Variants in PTH2R observed in about 807,000 individuals in gnomAD.
PTH2R encodes parathyroid hormone 2 receptor.
Under a neutral mutation model 60.3 loss-of-function variants are expected in PTH2R, and 59 were observed. That is an observed-to-expected ratio of 0.98 (90% CI 0.79 to 1.22). PTH2R has a LOEUF of 1.22. Ranked by LOEUF, PTH2R falls within the 50% of genes most tolerant of loss-of-function variation. PTH2R has a pLI of 0.00. For missense variants in PTH2R, 749 were observed against 682.6 expected (o/e 1.10, Z -1.08); for synonymous variants, 256 against 243.8 (o/e 1.05, Z -0.47).
At chr2:208,468,041 A>T (rs1702794683) in intron 9 of PTH2R, among the ~76,000 whole-genome samples, 1 of 152,166 alleles carries the variant, frequency 6.6e-6, no homozygotes, top group African/African-American at 2.4e-5. Flanking sequence ...TAATCTGATA[A>T]TGAAATGGTC....
intron 1 of PTH2R, among the ~76,000 whole-genome samples, chr2:208,374,345 C>T (rs1430455683): frequency 6.6e-6 from 1 of 152,008 alleles, no homozygotes; most frequent in Non-Finnish European, 1.5e-5. Flanking sequence ...AGAAGTTGTA[C>T]ACCACATTCA....
In PTH2R at chr2:208,479,565, C is replaced by T. The variant is rs186276299; in HGVS notation, c.982-1505C>T. Among the ~76,000 whole-genome samples, 45 of 152,332 alleles carry T rather than the reference C, an allele frequency of 3.0e-4. No homozygotes were observed. The East Asian group carries it at 6.9e-3, about 24-fold the overall frequency. ...CTTGTCATTCAGAAAGTAGCACTCA[C>T]GTGCTTCTTTCTCAGTGACCTGAGC... On this transcript the variant is annotated intron_variant, in intron 9 of 12. Transcript: ENST00000272847.
chr2:208,416,364 A>G (rs528769891), intron 1 of PTH2R, among the ~76,000 whole-genome samples: 99 of 152,338 alleles, frequency 6.5e-4, no homozygotes, highest in African/African-American at 2.3e-3. Flanking sequence ...TGAATATATC[A>G]TGTGTTATTG....
chr2:208,418,666 A>C (rs1272233740), intron 1 of PTH2R, among the ~76,000 whole-genome samples: 1 of 152,168 alleles, frequency 6.6e-6, no homozygotes, highest in Non-Finnish European at 1.5e-5. Flanking sequence ...GGGAGAAATA[A>C]GATAAAAAAT....
chr2:208,432,563 T>C (rs1268508942), intron 2 of PTH2R, among the ~76,000 whole-genome samples: 1 of 152,168 alleles, frequency 6.6e-6, no homozygotes, highest in Non-Finnish European at 1.5e-5. Context: ...AGGGAGTTTA[T>C]TAGAAAGAAT....
chr2:208,477,892 C>A (rs1034806356), intron 9 of PTH2R, among the ~76,000 whole-genome samples: 1 of 146,686 alleles, frequency 6.8e-6, no homozygotes, highest in African/African-American at 2.5e-5. Context: ...ACTACTAGTA[C>A]TAGCACTACT....
intron 1 of PTH2R, among the ~76,000 whole-genome samples, chr2:208,365,780 C>T (rs147495995): frequency 0.048 from 6,888 of 144,274 alleles, 356 homozygotes; most frequent in African/African-American, 0.12. Context: ...TCACTGTCAC[C>T]CAGGCTGGAG....
intron 9 of PTH2R, among the ~76,000 whole-genome samples, chr2:208,470,718 T>A (rs1702862881): frequency 1.3e-5 from 2 of 152,176 alleles, no homozygotes; most frequent in Admixed American, 1.3e-4. Flanking sequence ...TAAATTGGTA[T>A]CAGTAGAGTG....
chr2:208,392,868 C>A (rs893513260), intron 1 of PTH2R, among the ~76,000 whole-genome samples: 2 of 152,186 alleles, frequency 1.3e-5, no homozygotes, highest in African/African-American at 4.8e-5. Context: ...GCCCCGGGAC[C>A]TGTCAATCCT....
chr2:208,475,697 T>C (rs901471308), intron 9 of PTH2R, among the ~76,000 whole-genome samples: 3 of 152,212 alleles, frequency 2.0e-5, no homozygotes, highest in Admixed American at 2.0e-4. Flanking sequence ...ATTAGAGATG[T>C]TGATGGGTAT....
chr2:208,363,418 G>T (rs1008477229), intron 1 of PTH2R, among the ~76,000 whole-genome samples: 2 of 152,176 alleles, frequency 1.3e-5, no homozygotes, highest in African/African-American at 2.4e-5. Flanking sequence ...GTCCACTGCT[G>T]ATGGGCATCT....
intron 10 of PTH2R, among the ~76,000 whole-genome samples, chr2:208,483,429 C>A (rs1055918807): frequency 2.6e-5 from 4 of 152,136 alleles, no homozygotes; most frequent in Admixed American, 2.6e-4. Context: ...CTGAACAAAG[C>A]TGCTTATTTC....
At chr2:208,394,800 T>C (rs1701175487) in intron 1 of PTH2R, among the ~76,000 whole-genome samples, 1 of 152,188 alleles carries the variant, frequency 6.6e-6, no homozygotes, top group African/African-American at 2.4e-5. Flanking sequence ...CTTAAAATTA[T>C]TAATTTTATT....
intron 1 of PTH2R, among the ~76,000 whole-genome samples, chr2:208,401,079 G>A (rs1701299562): frequency 6.6e-6 from 1 of 152,168 alleles, no homozygotes; most frequent in Non-Finnish European, 1.5e-5. Flanking sequence ...ATCAGAAGGA[G>A]GTATACAATA....
At chr2:208,465,881 A>T (rs1424944165) in intron 9 of PTH2R, among the ~76,000 whole-genome samples, 4 of 149,622 alleles carry the variant, frequency 2.7e-5, no homozygotes, top group African/African-American at 4.9e-5. Flanking sequence ...CTGTCAAGAA[A>T]TTTTTTTTTT....
At chr2:208,435,320 C>G (rs944714227) in intron 2 of PTH2R, among the ~76,000 whole-genome samples, 6 of 152,090 alleles carry the variant, frequency 3.9e-5, no homozygotes, top group Non-Finnish European at 8.8e-5. Context: ...ATGTCCATGC[C>G]CTAATACCTG....
At chr2:208,426,283 G>C (rs1370447399) in intron 1 of PTH2R, among the ~76,000 whole-genome samples, 4 of 152,094 alleles carry the variant, frequency 2.6e-5, no homozygotes, top group African/African-American at 9.7e-5. Context: ...ACTTGTCCAG[G>C]AAAAATTACT....
At chr2:208,444,583 T>C (rs1247656944) in intron 6 of PTH2R, 151 bp from the exon 7 acceptor site, 1 of 517,684 alleles carries the variant, frequency 1.9e-6, no homozygotes, top group Non-Finnish European at 3.2e-6. Context: ...AAAATAACTG[T>C]TTTGGCCTCT....
At chr2:208,419,638 A>G (rs1046189810) in intron 1 of PTH2R, among the ~76,000 whole-genome samples, 4 of 152,146 alleles carry the variant, frequency 2.6e-5, no homozygotes, top group Non-Finnish European at 5.9e-5. Context: ...GTTTTCTTCT[A>G]GGGTTTTTAT....
Sources: allele counts gnomAD v4.1 joint callset (sites outside exome capture counted in the v4.1 genomes callset), GRCh38; gene constraint gnomAD v4.1.1; transcripts MANE v1.5; gene names NCBI Gene and HGNC (gene_info 2026-07-23, HGNC 2026-07-21).